Variants in HEPH observed in about 807,000 individuals in gnomAD.
HEPH encodes the protein hephaestin.
A neutral mutation model predicts 80.8 loss-of-function variants in HEPH; 69 were observed. That is an observed-to-expected ratio of 0.85 (90% confidence interval 0.70 to 1.04). The LOEUF (loss-of-function observed/expected upper bound fraction) is 1.04. HEPH is among the 50% of genes least tolerant of loss of function. The pLI, the probability that HEPH is intolerant of heterozygous loss-of-function variation, is 0.00. For missense variants in HEPH, 1,115 were observed against 891.3 expected (o/e 1.25, Z -3.20); for synonymous variants, 431 against 322.8 (o/e 1.34, Z -3.60).
intron 15 of HEPH, among the ~76,000 whole-genome samples, chrX:66,209,215 A>G (rs1020049950): frequency 1.8e-5 from 2 of 112,059 alleles, no homozygotes; most frequent in Non-Finnish European, 3.8e-5. Context: ...GCATGTGAAG[A>G]AAAGGGTATT....
At chrX:66,217,668 G>C (rs1481393815) in intron 15 of HEPH, among the ~76,000 whole-genome samples, 3 of 111,387 alleles carry the variant, frequency 2.7e-5, no homozygotes, top group African/African-American at 9.8e-5. Flanking sequence ...ACAATGAATA[G>C]AACAATACCT....
chrX:66,216,633 C>G (rs1602379819), intron 15 of HEPH, among the ~76,000 whole-genome samples: 1 of 111,732 alleles, frequency 8.9e-6, no homozygotes, highest in Non-Finnish European at 1.9e-5. Context: ...AATTGGAACA[C>G]CAATTCTGGT....
At chrX:66,191,994 C>T (rs1031901269) in intron 6 of HEPH, 136 bp from the exon 7 acceptor site, 5 of 547,808 alleles carry the variant, frequency 9.1e-6, no homozygotes, top group South Asian at 4.3e-5. Flanking sequence ...TGAGAGAAAG[C>T]GGCCCATTTT....
intron 6 of HEPH, among the ~76,000 whole-genome samples, chrX:66,191,771 A>T (rs1331563818): frequency 8.9e-6 from 1 of 111,858 alleles, no homozygotes; most frequent in Non-Finnish European, 1.9e-5. Context: ...GCTCAGATTG[A>T]GGAAGTGACT....
intron 4 of HEPH, among the ~76,000 whole-genome samples, chrX:66,179,061 G>A (rs1341562224): frequency 9.0e-6 from 1 of 111,543 alleles, no homozygotes; most frequent in African/African-American, 3.3e-5. Context: ...TTTTCTTCTA[G>A]GGTTTTTATG....
chrX:66,212,073 G>A (rs1305301452), intron 15 of HEPH, among the ~76,000 whole-genome samples: 1 of 109,203 alleles, frequency 9.2e-6, no homozygotes, highest in Admixed American at 9.8e-5. Flanking sequence ...TGGTTTTAAT[G>A]TGCATTTCCC....
intron 15 of HEPH, among the ~76,000 whole-genome samples, chrX:66,249,408 A>G (rs1311328999): frequency 1.8e-5 from 2 of 111,966 alleles, no homozygotes; most frequent in African/African-American, 3.2e-5. Context: ...TATTATTCTT[A>G]TTCTGTGAAA....
chrX:66,173,635 C>G lies in HEPH; in HGVS notation c.459C>G (p.Asp153Glu). 2.5e-6 allele frequency: 3 copies of G among 1,210,992 alleles called. No individual in the cohort carries two copies. The highest frequency in any genetic ancestry group is 3.4e-6 in the Non-Finnish European group (3 of 895,067). ...DGSSGPLKAD[D>E]SVPPGGSHIY... Reference sequence around the variant, plus strand: ...CCTCTGGGCCACTGAAAGCTGATGACTCTGTTCCCCCGGGGGGCAGCCATA... The same window carrying G: ...CCTCTGGGCCACTGAAAGCTGATGAGTCTGTTCCCCCGGGGGGCAGCCATA... Residue 153 changes from aspartate to glutamate, a missense_variant, in exon 4 of 21, where the codon GAC becomes GAG. Physicochemically the swap from Asp to Glu is conservative, Grantham distance 45. This residue lies in a region of HEPH where 391 missense variants were observed against 343.6 expected (regional missense o/e 1.14). Transcript: ENST00000343002.
chrX:66,202,765 C>T (rs967131151), intron 12 of HEPH, among the ~76,000 whole-genome samples: 5 of 109,499 alleles, frequency 4.6e-5, no homozygotes, highest in Non-Finnish European at 7.6e-5. Flanking sequence ...CTTAACTGAA[C>T]ATTGAATATG....
intron 11 of HEPH, 116 bp downstream of exon 11, chrX:66,199,144 A>G: frequency 1.4e-6 from 1 of 739,818 alleles, no homozygotes; most frequent in Non-Finnish European, 2.0e-6. Flanking sequence ...TCTGTCCAAG[A>G]GGCGAGCTAG....
chrX:66,188,794 G>T (rs1009682477), intron 5 of HEPH, among the ~76,000 whole-genome samples: 2 of 112,247 alleles, frequency 1.8e-5, no homozygotes, highest in Non-Finnish European at 3.8e-5. Context: ...CTTGCCATTA[G>T]GCTATTCTGC....
intron 19 of HEPH, among the ~76,000 whole-genome samples, chrX:66,261,548 T>C (rs1465250226): frequency 1.8e-5 from 2 of 109,916 alleles, no homozygotes; most frequent in Non-Finnish European, 3.8e-5. Context: ...GTTTTTTTTT[T>C]TTTTTTCTAT....
chrX:66,224,810 T>C (rs2089808745), intron 15 of HEPH, among the ~76,000 whole-genome samples: 1 of 111,335 alleles, frequency 9.0e-6, no homozygotes, highest in Non-Finnish European at 1.9e-5. Flanking sequence ...TTTTTTTTCT[T>C]AACTACTTGT....
intron 15 of HEPH, among the ~76,000 whole-genome samples, chrX:66,248,630 A>G (rs1235764659): frequency 8.9e-6 from 1 of 112,323 alleles, no homozygotes; most frequent in African/African-American, 3.2e-5. Context: ...AAGAATGAAT[A>G]TTCTATCTAT....
rs188595675 is a variant in HEPH at position 66,191,882 on chromosome X, G to A, written c.1064-248G>A. Among the ~76,000 whole-genome samples the A allele has an allele frequency of 1.8e-4, 20 of 111,416 alleles. No individual in the cohort carries two copies. In the East Asian group the frequency reaches 3.7e-3, roughly 20 times the overall value. Reference sequence around the variant, plus strand: ...GCTACAATGTGAGCCTTTATGAAGAGGCAGGAATGAGTATCTAGTAAATGC... The same window carrying A: ...GCTACAATGTGAGCCTTTATGAAGAAGCAGGAATGAGTATCTAGTAAATGC... On this transcript the variant is annotated intron_variant, in intron 6 of 20. Transcript: ENST00000343002.
At chrX:66,171,965 TCC>T (rs1230937857) in intron 2 of HEPH, among the ~76,000 whole-genome samples, 2 of 111,979 alleles carry the variant, frequency 1.8e-5, no homozygotes, top group Non-Finnish European at 3.8e-5. Flanking sequence ...GTGGCTTGGC[TCC>T]AAAGCTTGGA....
At chrX:66,220,632 G>T (rs1020803179) in intron 15 of HEPH, among the ~76,000 whole-genome samples, 4 of 111,879 alleles carry the variant, frequency 3.6e-5, no homozygotes, top group African/African-American at 1.3e-4. Context: ...CTGCCATATA[G>T]CCTCTTTCCT....
At chrX:66,234,537 T>C (rs1025987309) in intron 15 of HEPH, among the ~76,000 whole-genome samples, 10 of 111,413 alleles carry the variant, frequency 9.0e-5, no homozygotes, top group Non-Finnish European at 1.3e-4. Context: ...CCACCAACAG[T>C]GTATAAGCAT....
downstream of HEPH, chrX:66,267,522 A>C (rs2091571221): frequency 9.0e-6 from 1 of 111,515 alleles, no homozygotes; most frequent in Admixed American, 9.5e-5. Flanking sequence ...TTTGTTTTAG[A>C]GATGAGGAAG....
Sources: gnomAD v4.1 joint callset for allele counts (sites outside exome capture counted in the v4.1 genomes callset) on GRCh38, gnomAD v4.1.1 for gene constraint, gnomAD v4.1.1 regional missense constraint, MANE v1.5 for transcripts, NCBI Gene and HGNC (gene_info 2026-07-23, HGNC 2026-07-21) for gene names.